The following SCFD2 variants were observed in gnomAD, a reference collection of about 807,000 sequenced individuals.
The protein encoded by SCFD2 is sec1 family domain-containing protein 2.
SCFD2 carries 54 observed loss-of-function variants against 58.9 expected under a neutral mutation model. The observed-to-expected ratio is 0.92, with a 90% CI of 0.74 to 1.15. The LOEUF is 1.15. SCFD2 is among the 50% of genes most tolerant of loss of function. The pLI, the probability that SCFD2 is intolerant of heterozygous loss-of-function variation, is 0.00. For missense variants in SCFD2, 805 were observed against 836.6 expected (o/e 0.96, Z 0.47); for synonymous variants, 321 against 335.9 (o/e 0.96, Z 0.49).
At chr4:53,160,884 T>C (rs1317608032) in intron 4 of SCFD2, among the ~76,000 whole-genome samples, 1 of 152,180 alleles carries the variant, frequency 6.6e-6, no homozygotes, top group Non-Finnish European at 1.5e-5. Flanking sequence ...AATAGTGAAG[T>C]CCTTGAGGAA....
At chr4:53,319,522 T>C (rs1421067096) in intron 2 of SCFD2, among the ~76,000 whole-genome samples, 1 of 147,460 alleles carries the variant, frequency 6.8e-6, no homozygotes. Context: ...GAAGGGGAAA[T>C]AGCCTCTACT....
chr4:53,344,811 C>T (rs1734005452), intron 2 of SCFD2, among the ~76,000 whole-genome samples: 1 of 152,158 alleles, frequency 6.6e-6, no homozygotes, highest in South Asian at 2.1e-4. Flanking sequence ...CTACAATCAC[C>T]TGACTTTTGA....
At chr4:53,330,430 G>C (rs1383156102) in intron 2 of SCFD2, among the ~76,000 whole-genome samples, 1 of 152,048 alleles carries the variant, frequency 6.6e-6, no homozygotes, top group Non-Finnish European at 1.5e-5. Flanking sequence ...AAGAGAGTGG[G>C]GGGCAATATT....
At chr4:53,222,974 C>T (rs1019664568) in intron 4 of SCFD2, among the ~76,000 whole-genome samples, 32 of 152,122 alleles carry the variant, frequency 2.1e-4, no homozygotes, top group Admixed American at 1.4e-3. Flanking sequence ...CAAAAGAGCA[C>T]GGACTGGTCA....
chr4:53,288,644 C>T (rs1355445799), intron 3 of SCFD2, among the ~76,000 whole-genome samples: 2 of 152,130 alleles, frequency 1.3e-5, no homozygotes, highest in African/African-American at 4.8e-5. Context: ...AAGAATACTA[C>T]ACCCAGCAAA....
intron 4 of SCFD2, among the ~76,000 whole-genome samples, chr4:53,201,742 T>C (rs1728246905): frequency 6.6e-6 from 1 of 152,216 alleles, no homozygotes; most frequent in African/African-American, 2.4e-5. Context: ...TGGTATCTCA[T>C]TGTGGTTTTG....
chr4:53,227,999 G>A (rs1337320955), intron 4 of SCFD2, among the ~76,000 whole-genome samples: 1 of 152,160 alleles, frequency 6.6e-6, no homozygotes, highest in Non-Finnish European at 1.5e-5. Context: ...GCAGAGACAG[G>A]ATTGAATCCA....
intron 3 of SCFD2, among the ~76,000 whole-genome samples, chr4:53,306,733 G>A (rs1435159517): frequency 2.0e-5 from 3 of 152,114 alleles, no homozygotes; most frequent in African/African-American, 7.2e-5. Flanking sequence ...TGCTAAAAAG[G>A]CATCCATAAA....
At chr4:53,270,766 A>G (rs564627681) in intron 4 of SCFD2, among the ~76,000 whole-genome samples, 1 of 152,346 alleles carries the variant, frequency 6.6e-6, no homozygotes, top group South Asian at 2.1e-4. Flanking sequence ...TGGCATTAAA[A>G]TCCTTAAAAT....
intron 8 of SCFD2, among the ~76,000 whole-genome samples, chr4:52,877,139 G>GT (rs1219664435): frequency 6.6e-6 from 1 of 152,228 alleles, no homozygotes; most frequent in Non-Finnish European, 1.5e-5. Context: ...TCACTCTCGG[G>GT]TAGTGTGCTG....
intron 5 of SCFD2, among the ~76,000 whole-genome samples, chr4:52,999,409 G>A (rs1364628378): frequency 2.6e-5 from 4 of 152,190 alleles, no homozygotes; most frequent in Non-Finnish European, 4.4e-5. Flanking sequence ...AGTGTGTTAC[G>A]AAAATGGTTG....
chr4:53,252,279 GA>G (rs1270910898), intron 4 of SCFD2, among the ~76,000 whole-genome samples: 1 of 147,562 alleles, frequency 6.8e-6, no homozygotes, highest in African/African-American at 2.5e-5. Flanking sequence ...TGGGTAGGAA[GA>G]ATCAATATCG....
intron 4 of SCFD2, among the ~76,000 whole-genome samples, chr4:53,219,010 G>A (rs773124479): frequency 5.9e-5 from 9 of 152,204 alleles, no homozygotes; most frequent in Non-Finnish European, 1.3e-4. Flanking sequence ...CTTCAGCTCA[G>A]AGGGGTACCC....
In SCFD2 at chr4:53,202,818, C is replaced by T. The variant is rs576896113; in HGVS notation, c.1312-57236G>A. Among the ~76,000 whole-genome samples the T allele has an allele frequency of 9.9e-5, 15 of 152,156 alleles. 1 individual carries two copies. The East Asian group carries it at 2.9e-3, about 29-fold the overall frequency. On this transcript the variant is annotated intron_variant, in intron 4 of 8. Transcript: ENST00000401642. The stretch of plus-strand genomic sequence containing the variant: ...GAATGGGAGTTCACTCATGATTTGG[C>T]TCTCTGTTTGTCTGTTATTGGTGTA...
intron 1 of SCFD2, among the ~76,000 whole-genome samples, chr4:53,364,538 CTAAAAATAAATCAATAAACATT>C (rs1388148625): frequency 5.3e-5 from 8 of 152,282 alleles, no homozygotes; most frequent in African/African-American, 1.7e-4. Flanking sequence ...ACAATGAGAG[CTAAAAATAAATCAATAAACATT>C]TGAAAATATT....
chr4:53,247,540 C>A (rs1016222573), intron 4 of SCFD2, among the ~76,000 whole-genome samples: 9 of 152,100 alleles, frequency 5.9e-5, no homozygotes, highest in African/African-American at 2.2e-4. Context: ...ACATATACAC[C>A]ATGGAATACT....
At chr4:53,147,759 C>T (rs1726376595) in intron 4 of SCFD2, among the ~76,000 whole-genome samples, 1 of 152,172 alleles carries the variant, frequency 6.6e-6, no homozygotes, top group African/African-American at 2.4e-5. Context: ...AAATATACTA[C>T]CACTAATGAC....
At chr4:53,168,397 G>A (rs1463098156) in intron 4 of SCFD2, among the ~76,000 whole-genome samples, 1 of 152,084 alleles carries the variant, frequency 6.6e-6, no homozygotes, top group African/African-American at 2.4e-5. Flanking sequence ...TATTCTTCCA[G>A]ATAAGAGCTC....
At chr4:53,195,288 G>GTAT (rs1728028521) in intron 4 of SCFD2, among the ~76,000 whole-genome samples, 1 of 152,190 alleles carries the variant, frequency 6.6e-6, no homozygotes, top group African/African-American at 2.4e-5. Flanking sequence ...AGTAGTAGTA[G>GTAT]TAATAGTATG....
Sources: allele counts gnomAD v4.1 joint callset (sites outside exome capture counted in the v4.1 genomes callset), GRCh38; gene constraint gnomAD v4.1.1; transcripts MANE v1.5; gene names NCBI Gene and HGNC (gene_info 2026-07-23, HGNC 2026-07-21).